Variants in MYO7B observed in about 807,000 individuals in gnomAD.
MYO7B encodes myosin VIIB.
MYO7B carries 212 observed loss-of-function variants against 259.7 expected under a neutral mutation model. The observed-to-expected ratio is 0.82, with a 90% CI of 0.73 to 0.91. MYO7B has a LOEUF of 0.91. MYO7B is among the 40% of genes least tolerant of loss of function. MYO7B has a pLI of 0.00. For missense variants in MYO7B, 2,732 were observed against 2,813.5 expected, an observed-to-expected ratio of 0.97 and a Z score of 0.66; for synonymous variants, 1,197 against 1,166.4, an observed-to-expected ratio of 1.03 and a Z score of -0.54.
intron 30 of MYO7B, among the ~76,000 whole-genome samples, chr2:127,624,914 C>T (rs534023634): frequency 1.1e-4 from 16 of 152,310 alleles, no homozygotes; most frequent in African/African-American, 2.4e-4. Flanking sequence ...GCAGGAAGCC[C>T]GCCTGGAAGA....
rs1252064437 is a variant in MYO7B, at chr2:127,569,809, A to G, written c.491A>G (p.Lys164Arg). ...CIISGESGAGKTETTKLILQF... is the reference protein window; with the variant it reads ...CIISGESGAGRTETTKLILQF... ...TGCAGCGGCGAGTCTGGGGCTGGCA[A>G]GACGGAGACCACCAAGCTCATCCTG... The change falls in exon 6 of 48, where the codon AAG (lysine) becomes AGG (arginine). Residue 164 changes from lysine to arginine, a missense_variant. By Grantham distance (26) the Lys-to-Arg change is conservative (BLOSUM62 2). Transcript: ENST00000409816. 1.2e-6 allele frequency: 2 copies of G among 1,612,378 alleles called. No individual in the cohort carries two copies. The highest frequency in any genetic ancestry group is 1.7e-6 in the Non-Finnish European group (2 of 1,179,010).
rs1558832488 is a variant in MYO7B at position 127,608,762 on chromosome 2, A to G, written c.2698A>G (p.Lys900Glu). 2 of 1,613,486 alleles carry G rather than the reference A, an allele frequency of 1.2e-6. No individual in the cohort carries two copies. Among genetic ancestry groups the G allele is most frequent in the Non-Finnish European group, 1.7e-6 (2 of 1,179,780 alleles). Residue 900 changes from lysine (K) to glutamate (E), a missense_variant, in exon 22 of 48, where the codon AAG becomes GAG. Lys to Glu is a moderately conservative substitution (Grantham distance 56, BLOSUM62 1). Around this residue, in one of 3 missense-constraint regions of MYO7B, gnomAD observed 1,906 missense variants for 2,026.4 expected, o/e 0.94. Coordinates refer to ENST00000409816, the MANE Select transcript of MYO7B (RefSeq NM_001393586.1). ...GQKSQGALPAKKRRSIYDTVT... is the reference protein window; with the variant it reads ...GQKSQGALPAEKRRSIYDTVT... ...GAAAAGCCAAGGCGCTCTCCCTGCC[A>G]AGAAGCGCAGATCCATCTACGACAC...
chr2:127,633,335 A>T lies in MYO7B; in HGVS notation c.5483A>T (p.Lys1828Met). 6.2e-7 allele frequency: 1 copy of T among 1,613,050 alleles called. No homozygotes were observed. The highest frequency in any genetic ancestry group is 8.5e-7 in the Non-Finnish European group (1 of 1,179,778). ...CAGAACGTCTCCCGCATCTGCCACA[A>T]GATCTACTTCCCCAATGACACCAGT... ...AEQNVSRICH[K>M]IYFPNDTSEM... Residue 1828 changes from lysine (K) to methionine (M), a missense_variant, in exon 40 of 48, where the codon AAG becomes ATG. Coordinates refer to ENST00000409816, the MANE Select transcript of MYO7B (RefSeq NM_001393586.1).
Position 127,624,297 on chromosome 2 carries a change from T to C in MYO7B, c.4024T>C (p.Ser1342Pro). 1 of 1,582,098 alleles carries C rather than the reference T, an allele frequency of 6.3e-7. No individual in the cohort carries two copies. The highest frequency in any genetic ancestry group is 8.6e-7 in the Non-Finnish European group (1 of 1,164,710). ...IYRQVLRGVWSGEYSFEKEEE... is the reference protein window; with the variant it reads ...IYRQVLRGVWPGEYSFEKEEE... ...CCGCCAAGTCCTCCGAGGAGTCTGG[T>C]CTGGCGAGTACAGCTTCGAGAAGGT... Residue 1342 changes from serine (S) to proline (P), a missense_variant, in exon 30 of 48, where the codon TCT becomes CCT. By Grantham distance (74) the Ser-to-Pro change is moderately conservative. Coordinates refer to ENST00000409816, the MANE Select transcript of MYO7B (RefSeq NM_001393586.1).
chr2:127,545,471 G>A (rs1693190821), intron 1 of MYO7B, among the ~76,000 whole-genome samples: 2 of 152,202 alleles, frequency 1.3e-5, no homozygotes, highest in Non-Finnish European at 2.9e-5. Context: ...GGGACATTGG[G>A]AAGTTACCTA....
At position 127,635,143 on chromosome 2, in the gene MYO7B, C is replaced by A. The variant is rs779560695; in HGVS notation, c.5737C>A (p.Gln1913Lys). ...KEGAPVTLPYQVYFMRKLWLN... is the reference protein window; with the variant it reads ...KEGAPVTLPYKVYFMRKLWLN... ...AGGGGCCCCCGTGACGCTCCCCTAC[C>A]AGGTGTACTTCATGCGGAAATTGTG... is the stretch of plus-strand genomic sequence containing the variant. Residue 1913 changes from glutamine to lysine, a missense_variant, in exon 43 of 48, where the codon CAG (glutamine) becomes AAG (lysine). Physicochemically the swap from Gln to Lys is moderately conservative, Grantham distance 53. Around this residue, in one of 3 missense-constraint regions of MYO7B, gnomAD observed 821 missense variants for 769.3 expected, o/e 1.07. Coordinates refer to ENST00000409816, the MANE Select transcript of MYO7B (RefSeq NM_001393586.1). The A allele has an allele frequency of 3.7e-6, 6 of 1,613,350 alleles. No homozygotes were observed. The highest frequency in any genetic ancestry group is 5.1e-6 in the Non-Finnish European group (6 of 1,179,702).
chr2:127,600,670 A>G (rs1006167669), intron 19 of MYO7B, among the ~76,000 whole-genome samples: 7 of 152,250 alleles, frequency 4.6e-5, no homozygotes, highest in Admixed American at 4.6e-4. Context: ...AGATTGTGCC[A>G]TTGCACTTCA....
chr2:127,590,108 A>T lies in MYO7B; in HGVS notation c.1871A>T (p.Lys624Ile), dbSNP rs1159431806. 1 of 1,588,494 alleles carries T rather than the reference A, an allele frequency of 6.3e-7. No homozygotes were observed. Among genetic ancestry groups the T allele is most frequent in the East Asian group, 2.3e-5 (1 of 43,982 alleles). The change falls in exon 16 of 48, where the codon AAA becomes ATA. Residue 624 changes from lysine (K) to isoleucine (I), a missense_variant. Transcript: ENST00000409816. The surrounding 1 kb of genome is among the most constrained non-coding windows in gnomAD (Gnocchi z 4.6). ...CATTCACAGTCTGCAGACTCAAATAAACGGCCCTCCACCTTAGGAAGCCAG... is the reference window on the plus strand; with the variant it reads ...CATTCACAGTCTGCAGACTCAAATATACGGCCCTCCACCTTAGGAAGCCAG... ...NHLFKSADSN[K>I]RPSTLGSQFK...
intron 20 of MYO7B, among the ~76,000 whole-genome samples, chr2:127,606,936 C>G (rs1680172678): frequency 6.6e-6 from 1 of 152,234 alleles, no homozygotes; most frequent in Non-Finnish European, 1.5e-5. Context: ...TTCTCTCCAT[C>G]CACGGCCCCA....
Position 127,631,902 on chromosome 2 carries a change from C to G in MYO7B, c.5249+149C>G, listed in dbSNP as rs73953665. 1.5e-3 allele frequency: 1,629 copies of G among 1,123,338 alleles called. 11 individuals are homozygous for G. The African/African-American group carries it at 0.02, about 14-fold the overall frequency. The allele number at this position is 1,123,338 out of a possible 1,614,324, so 69.6% of individuals were successfully genotyped here. On this transcript the variant is annotated intron_variant, in intron 38 of 47. Transcript: ENST00000409816. ...GCCTCAGCAGTGGGAAGGGTTGGGCCCTTGGTCTGCTCTGCTGATGTCCTA... is the reference window on the plus strand; with the variant it reads ...GCCTCAGCAGTGGGAAGGGTTGGGCGCTTGGTCTGCTCTGCTGATGTCCTA...
At chr2:127,631,866 C>A in intron 38 of MYO7B, 113 bp downstream of exon 38, 2 of 1,340,250 alleles carry the variant, frequency 1.5e-6, no homozygotes, top group Non-Finnish European at 2.0e-6. Context: ...AGAACCCCTG[C>A]CTGGGCTCCT....
At chr2:127,557,964 AC>A (rs534461909) in intron 1 of MYO7B, among the ~76,000 whole-genome samples, 272 of 152,326 alleles carry the variant, frequency 1.8e-3, no homozygotes, top group African/African-American at 6.3e-3. Flanking sequence ...AGCCCAAAAA[AC>A]AAATGCAACA....
rs540988987 is a variant in MYO7B at position 127,629,476 on chromosome 2, C to T, written c.4625-169C>T. On this transcript the variant is annotated intron_variant, in intron 34 of 47. Transcript: ENST00000409816. ...CTGTGCAGCTGCAGCAGGTGACAGC[C>T]GTCTGAGGCCCCTGAGGTTCCAGTC... is the stretch of plus-strand genomic sequence containing the variant. Among the ~76,000 whole-genome samples, 8 of 152,254 alleles carry T rather than the reference C, an allele frequency of 5.3e-5. No individual in the cohort carries two copies. The South Asian group carries it at 6.2e-4, about 12-fold the overall frequency.
chr2:127,627,562 C>T lies in MYO7B; in HGVS notation c.4460+252C>T. 1 of 618,808 alleles carries T rather than the reference C, an allele frequency of 1.6e-6. No individual in the cohort carries two copies. Among genetic ancestry groups the T allele is most frequent in the Non-Finnish European group, 3.0e-6 (1 of 334,628 alleles). 38.3% of individuals were successfully genotyped at this position (618,808 alleles called of 1,614,324 possible). A position where few individuals can be genotyped will look rare whatever the true frequency, so the allele number is the denominator to read the frequency against. ...GGCAGCTTCTCTTTGAAACCCAGGT[C>T]CACCCGGAAGGGGCAGGGAAGCGTG... is the stretch of plus-strand genomic sequence containing the variant. On this transcript the variant is annotated intron_variant, in intron 33 of 47. Transcript: ENST00000409816. This position sits in a 1 kb window ranked among gnomAD's most constrained non-coding sequence, Gnocchi z 5.6.
At chr2:127,574,391 A>T (rs1420056002) in intron 7 of MYO7B, among the ~76,000 whole-genome samples, 1 of 152,116 alleles carries the variant, frequency 6.6e-6, no homozygotes, top group African/African-American at 2.4e-5. Context: ...TGAAAAAAAA[A>T]ATTAGCTAGG....
chr2:127,575,141 C>A (rs1333425292), intron 7 of MYO7B, among the ~76,000 whole-genome samples: 1 of 152,190 alleles, frequency 6.6e-6, no homozygotes, highest in Admixed American at 6.5e-5. Context: ...CATTTAGTGA[C>A]CCTCCGACCT....
intron 1 of MYO7B, among the ~76,000 whole-genome samples, chr2:127,543,312 C>T (rs1026217419): frequency 2.6e-5 from 4 of 151,888 alleles, no homozygotes; most frequent in Admixed American, 1.3e-4. Context: ...AACAGGCATA[C>T]GGCCTTCAAG....
intron 6 of MYO7B, among the ~76,000 whole-genome samples, chr2:127,570,574 A>C (rs1678557040): frequency 1.3e-5 from 2 of 152,344 alleles, no homozygotes; most frequent in Middle Eastern, 6.8e-3. Context: ...TGGACAGCAC[A>C]GTCTCTCTCG....
intron 47 of MYO7B, 194 bp downstream of exon 47, chr2:127,637,107 C>G: frequency 9.3e-7 from 1 of 1,078,808 alleles, no homozygotes; most frequent in East Asian, 2.6e-5. Context: ...CAGGCGGGAC[C>G]CCCTGCGCCC....
Sources: gnomAD v4.1 joint callset for allele counts (sites outside exome capture counted in the v4.1 genomes callset) on GRCh38, gnomAD v4.1.1 for gene constraint, gnomAD v4.1.1 regional missense constraint, Gnocchi (gnomAD v3.1) non-coding constraint, MANE v1.5 for transcripts, NCBI Gene and HGNC (gene_info 2026-07-23, HGNC 2026-07-21) for gene names.